ANKRD18A: variants seen among roughly 807,000 people sequenced by gnomAD.
ANKRD18A encodes ankyrin repeat domain-containing protein 18A.
In ANKRD18A, 72 loss-of-function variants were observed where a neutral mutation model predicts 110.6. The ratio of observed to expected loss-of-function variants is 0.65; its 90% CI spans 0.54 to 0.79. The LOEUF (loss-of-function observed/expected upper bound fraction) is 0.79, where lower values mean the gene tolerates loss of function less well. Among genes scored for constraint, ANKRD18A ranks in the 30% least tolerant of loss-of-function variants. The pLI, the probability that ANKRD18A is intolerant of heterozygous loss-of-function variation, is 0.00. For missense variants in ANKRD18A, 934 were observed against 1,163.3 expected, an observed-to-expected ratio of 0.80 and a Z score of 2.87; for synonymous variants, 305 against 410.3, an observed-to-expected ratio of 0.74 and a Z score of 3.10.
chr9:38,617,175 C>T (rs1563980371), intron 1 of ANKRD18A, among the ~76,000 whole-genome samples: 2 of 152,232 alleles, frequency 1.3e-5, no homozygotes, highest in Non-Finnish European at 2.9e-5. Flanking sequence ...GGCCCAGTGG[C>T]TCACGCCTGT....
chr9:38,612,175 C>T (rs1009753107), intron 3 of ANKRD18A, among the ~76,000 whole-genome samples: 6 of 152,118 alleles, frequency 3.9e-5, no homozygotes, highest in African/African-American at 1.4e-4. Context: ...TCTCCTAATG[C>T]AAGAGGATAG....
At position 38,578,149 on chromosome 9, in the gene ANKRD18A, C is replaced by G. The variant is rs1421811890; in HGVS notation, c.2248-1G>C. On this transcript the variant is annotated splice_acceptor_variant, in intron 12 of 15. Transcript: ENST00000399703. LOFTEE classifies it high-confidence loss of function. Reference sequence around the variant, plus strand: ...CCTTCTCGGCCACAAGATCATTAAACTGCATTAAGAAAATAATAGAGCTTG... The same window carrying G: ...CCTTCTCGGCCACAAGATCATTAAAGTGCATTAAGAAAATAATAGAGCTTG... 6.5e-7 allele frequency: 1 copy of G among 1,539,314 alleles called. No individual in the cohort carries two copies. Among genetic ancestry groups the G allele is most frequent in the African/African-American group, 1.4e-5 (1 of 72,032 alleles).
Position 38,603,181 on chromosome 9 carries a change from T to C in ANKRD18A, c.840A>G (p.Lys280=). ...ETAAMKPANL[K]KRKERAKAEH... ...TACCTTTTGCACGTTCTTTTCTTTT[T>C]TTCAAATTTGCAGGCTTCATAGCTG... Residue 280 remains lysine, a synonymous_variant, in exon 7 of 16, where the codon AAA becomes AAG. Transcript: ENST00000399703. The C allele has an allele frequency of 6.4e-7, 1 of 1,551,202 alleles. No homozygotes were observed. The highest frequency in any genetic ancestry group is 8.7e-7 in the Non-Finnish European group (1 of 1,146,638).
At position 38,610,857 on chromosome 9, in the gene ANKRD18A, TATA is replaced by T. The variant is rs55823641; in HGVS notation, c.602+355_602+357del. Reference sequence around the variant, plus strand: ...CAGCATCAACAACAACAGCAACAACTATAATAATAATAATAATAATAATGGTAA... The same window carrying T: ...CAGCATCAACAACAACAGCAACAACTATAATAATAATAATAATAATGGTAA... On this transcript the variant is annotated intron_variant, in intron 4 of 15. Coordinates refer to ENST00000399703, the MANE Select transcript of ANKRD18A (RefSeq NM_147195.4). 1.0e-3 allele frequency among the ~76,000 whole-genome samples: 136 copies of T among 133,810 alleles called. 3 individuals are homozygous for T. Among genetic ancestry groups the T allele is most frequent in the African/African-American group, 1.9e-3 (63 of 32,802 alleles). 87.8% of individuals were successfully genotyped at this position (133,810 alleles called of 152,430 possible).
At chr9:38,577,718 A>T in intron 13 of ANKRD18A, 149 bp downstream of exon 13, 2 of 857,854 alleles carry the variant, frequency 2.3e-6, no homozygotes, top group Non-Finnish European at 3.2e-6. Flanking sequence ...ATTTAAAAGG[A>T]AAAAAGTCAC....
rs1824880962 is a variant in ANKRD18A, at chr9:38,596,335, G to A, written c.1005C>T (p.Ala335=). The A allele has an allele frequency of 6.7e-7, 1 of 1,496,806 alleles. No individual in the cohort carries two copies. The highest frequency in any genetic ancestry group is 8.9e-7 in the Non-Finnish European group (1 of 1,124,718). 92.7% of individuals were successfully genotyped at this position (1,496,806 alleles called of 1,614,324 possible). A position where few individuals can be genotyped will look rare whatever the true frequency, so the allele number is the denominator to read the frequency against. Residue 335 remains alanine (A), a synonymous_variant, in exon 9 of 16, where the codon GCC becomes GCT. Coordinates refer to ENST00000399703, the MANE Select transcript of ANKRD18A (RefSeq NM_147195.4). The part of the protein sequence containing the change: ...YGNFMLKKDI[A]MLKEELYAIK... ...TTGCATATAATTCCTCTTTGAGCATGGCAATGTCTTTCTTCAACATAAAAT... is the reference window on the plus strand; with the variant it reads ...TTGCATATAATTCCTCTTTGAGCATAGCAATGTCTTTCTTCAACATAAAAT...
At position 38,593,661 on chromosome 9, in the gene ANKRD18A, T is replaced by C. The variant is rs1330860860; in HGVS notation, c.2004+99A>G. The stretch of plus-strand genomic sequence containing the variant: ...ATGGTAATGATCAATTATAATAAAA[T>C]ATAAAATCAAGCTGTCCACTGAAAT... On this transcript the variant is annotated intron_variant, in intron 10 of 15. Coordinates refer to ENST00000399703, the MANE Select transcript of ANKRD18A (RefSeq NM_147195.4). The C allele has an allele frequency of 1.0e-5, 12 of 1,169,850 alleles. No individual in the cohort carries two copies. In the East Asian group the frequency reaches 3.0e-4, roughly 29 times the overall value. The allele number at this position is 1,169,850 out of a possible 1,614,324, so 72.5% of individuals were successfully genotyped here.
chr9:38,599,365 C>T (rs1825024191), intron 8 of ANKRD18A, among the ~76,000 whole-genome samples: 1 of 152,178 alleles, frequency 6.6e-6, no homozygotes, highest in African/African-American at 2.4e-5. Flanking sequence ...TTAAGTTTGT[C>T]CCTCTTTAGA....
intron 12 of ANKRD18A, among the ~76,000 whole-genome samples, chr9:38,583,216 G>A (rs1158759024): frequency 1.6e-4 from 24 of 152,152 alleles, no homozygotes; most frequent in South Asian, 2.1e-4. Flanking sequence ...CAATGCTGCC[G>A]GGGATGTAAA....
intron 10 of ANKRD18A, among the ~76,000 whole-genome samples, chr9:38,591,388 T>G (rs1341325220): frequency 6.6e-6 from 1 of 152,186 alleles, no homozygotes; most frequent in Non-Finnish European, 1.5e-5. Context: ...TTTCTGTGTC[T>G]CCGGTTCTTT....
intron 5 of ANKRD18A, among the ~76,000 whole-genome samples, chr9:38,609,004 A>C (rs1376548473): frequency 1.3e-5 from 2 of 152,182 alleles, no homozygotes; most frequent in African/African-American, 4.8e-5. Context: ...CACTGGTCTC[A>C]AAGGATAACA....
intron 1 of ANKRD18A, among the ~76,000 whole-genome samples, chr9:38,616,248 TG>T (rs1825851807): frequency 6.6e-6 from 1 of 152,244 alleles, no homozygotes; most frequent in South Asian, 2.1e-4. Flanking sequence ...ATGAGCTTGG[TG>T]TTTGGATTCA....
At chr9:38,608,712 A>G (rs1825470428) in intron 5 of ANKRD18A, among the ~76,000 whole-genome samples, 1 of 147,104 alleles carries the variant, frequency 6.8e-6, no homozygotes, top group Admixed American at 6.8e-5. Flanking sequence ...TACATTATAT[A>G]ATAATTATAT....
At chr9:38,617,982 C>T (rs1004036132) in intron 1 of ANKRD18A, among the ~76,000 whole-genome samples, 6 of 151,680 alleles carry the variant, frequency 4.0e-5, no homozygotes, top group Non-Finnish European at 7.4e-5. Context: ...TCATTGTTTG[C>T]CTATATGTAA....
intron 11 of ANKRD18A, among the ~76,000 whole-genome samples, chr9:38,587,592 T>C (rs1400057402): frequency 6.6e-6 from 1 of 152,002 alleles, no homozygotes; most frequent in Non-Finnish European, 1.5e-5. Context: ...AGAAACAAAA[T>C]ACAAGCTATA....
At position 38,620,304 on chromosome 9, in the gene ANKRD18A, G is replaced by T. The variant is rs180917477; in HGVS notation, c.-19C>A. On this transcript the variant is annotated 5_prime_UTR_variant, in exon 1 of 16. Coordinates refer to ENST00000399703, the MANE Select transcript of ANKRD18A (RefSeq NM_147195.4). ...TCCTCATGGTGGCGACTTCTCAGAC[G>T]CCCACCACCCGCTCCTGAGCCGCGG... is the stretch of plus-strand genomic sequence containing the variant. 2.5e-3 allele frequency: 3,936 copies of T among 1,547,662 alleles called. 99 individuals carry two copies. In the African/African-American group the frequency reaches 0.048, roughly 19 times the overall value.
intron 6 of ANKRD18A, among the ~76,000 whole-genome samples, chr9:38,605,699 C>T (rs1825321187): frequency 6.6e-6 from 1 of 152,108 alleles, no homozygotes; most frequent in Admixed American, 6.5e-5. Context: ...CTGCAATCTC[C>T]ACCTCCTGGG....
intron 1 of ANKRD18A, among the ~76,000 whole-genome samples, chr9:38,617,206 C>T (rs1825893807): frequency 6.6e-6 from 1 of 152,190 alleles, no homozygotes; most frequent in Admixed American, 6.5e-5. Flanking sequence ...CTTTGGGAGG[C>T]CGAGGCAGGT....
chr9:38,614,752 A>T (rs1418936798), intron 3 of ANKRD18A, among the ~76,000 whole-genome samples: 1 of 152,146 alleles, frequency 6.6e-6, no homozygotes, highest in Non-Finnish European at 1.5e-5. Context: ...TCAAAATCCC[A>T]GTTGATTTTG....
Sources: allele counts gnomAD v4.1 joint callset (sites outside exome capture counted in the v4.1 genomes callset), GRCh38; gene constraint gnomAD v4.1.1; transcripts MANE v1.5; gene names NCBI Gene and HGNC (gene_info 2026-07-23, HGNC 2026-07-21).